Variants in MSI2 observed in about 807,000 individuals in gnomAD.
MSI2 encodes the protein RNA-binding protein Musashi homolog 2.
In MSI2, 17 loss-of-function variants were observed where a neutral mutation model predicts 45.6. The ratio of observed to expected loss-of-function variants is 0.37; its 90% CI spans 0.26 to 0.56. The LOEUF is 0.56. Ranked by LOEUF, MSI2 falls within the 20% of genes least tolerant of loss-of-function variation. The pLI, the probability that MSI2 is intolerant of heterozygous loss-of-function variation, is 0.77. For missense variants in MSI2, 293 were observed against 444.2 expected, an observed-to-expected ratio of 0.66 and a Z score of 3.06; for synonymous variants, 156 against 158.2, an observed-to-expected ratio of 0.99 and a Z score of 0.11.
chr17:57,584,491 G>A (rs1347533471), intron 7 of MSI2, among the ~76,000 whole-genome samples: 1 of 152,190 alleles, frequency 6.6e-6, no homozygotes, highest in Non-Finnish European at 1.5e-5. Flanking sequence ...TGGGGGGCGC[G>A]GAGGGAGCAG....
chr17:57,335,602 G>T (rs532280034), intron 5 of MSI2, among the ~76,000 whole-genome samples: 2 of 152,226 alleles, frequency 1.3e-5, no homozygotes, highest in African/African-American at 4.8e-5. Flanking sequence ...TGTGCCAGGC[G>T]CTGTTGTAGG....
chr17:57,662,826 G>A (rs1019755709), intron 11 of MSI2, among the ~76,000 whole-genome samples: 1 of 152,236 alleles, frequency 6.6e-6, no homozygotes, highest in Non-Finnish European at 1.5e-5. Flanking sequence ...GGCTTTGGCT[G>A]ACAGGTTTCT....
rs73991811 is a variant in MSI2 at position 57,409,050 on chromosome 17, A to G, written c.405+7579A>G. 3.6e-3 allele frequency among the ~76,000 whole-genome samples: 544 copies of G among 152,248 alleles called. 2 individuals carry two copies. The highest frequency in any genetic ancestry group is 0.013 in the African/African-American group (529 of 41,544). On this transcript the variant is annotated intron_variant, in intron 6 of 13. Transcript: ENST00000284073. ...ACCCTCTAAATTTTTACAGCTCCGT[A>G]TATTCAGACTTGGTATTTGTGAATT...
chr17:57,361,925 G>GA (rs1032196266), intron 5 of MSI2, among the ~76,000 whole-genome samples: 1 of 152,196 alleles, frequency 6.6e-6, no homozygotes, highest in Non-Finnish European at 1.5e-5. Context: ...TACAAAGATA[G>GA]AAAAATGGAA....
intron 6 of MSI2, among the ~76,000 whole-genome samples, chr17:57,476,205 T>G (rs2143718116): frequency 6.6e-6 from 1 of 152,296 alleles, no homozygotes; most frequent in South Asian, 2.1e-4. Context: ...AGCAGCTCCC[T>G]CTGGTTAATA....
chr17:57,581,203 G>GGA (rs2088198088), intron 7 of MSI2, among the ~76,000 whole-genome samples: 1 of 151,800 alleles, frequency 6.6e-6, no homozygotes, highest in Non-Finnish European at 1.5e-5. Flanking sequence ...AGTAGAGATG[G>GGA]GGTTTCACCA....
intron 7 of MSI2, among the ~76,000 whole-genome samples, chr17:57,585,926 G>A (rs925960342): frequency 2.0e-5 from 3 of 152,240 alleles, no homozygotes; most frequent in African/African-American, 2.4e-5. Context: ...CGCTGGGCGC[G>A]AGCTGCAGTC....
intron 7 of MSI2, among the ~76,000 whole-genome samples, chr17:57,543,645 A>C (rs1598384821): frequency 2.0e-5 from 3 of 152,204 alleles, no homozygotes; most frequent in African/African-American, 7.2e-5. Flanking sequence ...TAGTATATTT[A>C]TGTATAAACT....
rs973416252 is a variant in MSI2 at position 57,471,360 on chromosome 17, G to A, written c.406-58316G>A. 8.8e-5 allele frequency among the ~76,000 whole-genome samples: 12 copies of A among 136,220 alleles called. 1 individual carries two copies. The South Asian group carries it at 2.1e-3, about 24-fold the overall frequency. The allele number at this position is 136,220 out of a possible 152,430, so 89.4% of individuals were successfully genotyped here. Reference sequence around the variant, plus strand: ...GGCTGGAGTGCAGTGGTACAATCTCGGCTCACTGCAACCTCCGCCTCCTGG... The same window carrying A: ...GGCTGGAGTGCAGTGGTACAATCTCAGCTCACTGCAACCTCCGCCTCCTGG... On this transcript the variant is annotated intron_variant, in intron 6 of 13. Coordinates refer to ENST00000284073, the MANE Select transcript of MSI2 (RefSeq NM_138962.4).
chr17:57,610,919 G>C (rs1191687339), intron 8 of MSI2, among the ~76,000 whole-genome samples: 2 of 94,646 alleles, frequency 2.1e-5, no homozygotes, highest in East Asian at 5.4e-4. Flanking sequence ...AATTTTGTTG[G>C]GGTGGGGGGT....
intron 6 of MSI2, among the ~76,000 whole-genome samples, chr17:57,415,723 AC>A (rs1325420317): frequency 6.7e-6 from 1 of 149,980 alleles, no homozygotes; most frequent in Non-Finnish European, 1.5e-5. Flanking sequence ...CCTCTGATAA[AC>A]TCCCTCCCTT....
intron 5 of MSI2, among the ~76,000 whole-genome samples, chr17:57,394,361 T>A (rs1670866437): frequency 6.6e-6 from 1 of 152,054 alleles, no homozygotes; most frequent in Non-Finnish European, 1.5e-5. Flanking sequence ...TGTGGAAGAG[T>A]GGCTGGGACC....
At chr17:57,275,560 G>A (rs944847148) in intron 5 of MSI2, among the ~76,000 whole-genome samples, 57 of 152,166 alleles carry the variant, frequency 3.7e-4, no homozygotes, top group African/African-American at 1.3e-3. Context: ...ACCTATTGTC[G>A]GGGCTGGGAA....
intron 5 of MSI2, among the ~76,000 whole-genome samples, chr17:57,397,769 A>G (rs1355079843): frequency 6.6e-6 from 1 of 152,158 alleles, no homozygotes; most frequent in Non-Finnish European, 1.5e-5. Flanking sequence ...TCGCCCCCAT[A>G]GCTGTGCCCC....
chr17:57,456,883 T>C lies in MSI2; in HGVS notation c.405+55412T>C, dbSNP rs1199120514. Among the ~76,000 whole-genome samples the C allele has an allele frequency of 2.6e-5, 4 of 152,176 alleles. No homozygotes were observed. In the East Asian group the frequency reaches 7.7e-4, roughly 29 times the overall value. On this transcript the variant is annotated intron_variant, in intron 6 of 13. Transcript: ENST00000284073. ...AGAACTTATCTGAATGGGCCAAGGC[T>C]CTTTGAGTTGGGAGCAAGGCGTATT...
intron 6 of MSI2, among the ~76,000 whole-genome samples, chr17:57,415,405 AAG>A (rs2084276245): frequency 6.6e-6 from 1 of 152,110 alleles, no homozygotes; most frequent in Non-Finnish European, 1.5e-5. Context: ...ATGTGGGGTG[AAG>A]TTGAACAATT....
chr17:57,664,705 T>G (rs1305138211), intron 11 of MSI2, among the ~76,000 whole-genome samples: 1 of 152,212 alleles, frequency 6.6e-6, no homozygotes, highest in African/African-American at 2.4e-5. Flanking sequence ...GTCCTCAGAC[T>G]TCCATCCTTG....
chr17:57,511,583 C>T (rs768026371), intron 6 of MSI2, among the ~76,000 whole-genome samples: 12 of 152,162 alleles, frequency 7.9e-5, no homozygotes, highest in Admixed American at 6.5e-5. Flanking sequence ...TTCTCTCGTG[C>T]GTACGGATGT....
chr17:57,530,665 C>A (rs1053937334), intron 7 of MSI2, among the ~76,000 whole-genome samples: 4 of 152,112 alleles, frequency 2.6e-5, no homozygotes, highest in Non-Finnish European at 5.9e-5. Context: ...CATTTCCTTG[C>A]CACTTGGATC....
Sources: gnomAD v4.1 joint callset for allele counts (sites outside exome capture counted in the v4.1 genomes callset) on GRCh38, gnomAD v4.1.1 for gene constraint, MANE v1.5 for transcripts, NCBI Gene and HGNC (gene_info 2026-07-23, HGNC 2026-07-21) for gene names.